Variants in SPATA31H1 observed in about 807,000 individuals in gnomAD.
SPATA31H1 encodes SPATA31 subfamily H member 1, also known as spermatogenesis-associated protein 31H1.
At chr2:27,546,865 C>G in the SPATA31H1 span, among the ~76,000 whole-genome samples, 1 of 151,812 alleles carries the variant, frequency 6.6e-6, no homozygotes, top group African/African-American at 2.4e-5. Flanking sequence ...AAAATTAATG[C>G]AAAAAAATCC....
chr2:27,576,707 T>A, the SPATA31H1 span: 1 of 1,614,106 alleles, frequency 6.2e-7, no homozygotes, highest in Non-Finnish European at 8.5e-7. Context: ...TGTTGACTAG[T>A]GTCAGATTTT....
At chr2:27,580,801 G>A in the SPATA31H1 span, 2 of 1,614,030 alleles carry the variant, frequency 1.2e-6, no homozygotes, top group Non-Finnish European at 8.5e-7. Context: ...AGAGACAAGA[G>A]GTCAGCTGAC....
the SPATA31H1 span, chr2:27,579,401 A>C: frequency 6.2e-7 from 1 of 1,614,212 alleles, no homozygotes; most frequent in South Asian, 1.1e-5. Context: ...AGAGCCTGCC[A>C]GAGAAGGGTC....
At chr2:27,567,068 G>C in the SPATA31H1 span, 1 of 717,280 alleles carries the variant, frequency 1.4e-6, no homozygotes, top group South Asian at 1.5e-5. Flanking sequence ...TTCAGAATTT[G>C]GCAGATCTTT....
At chr2:27,544,222 A>G in the SPATA31H1 span, among the ~76,000 whole-genome samples, 4 of 152,084 alleles carry the variant, frequency 2.6e-5, no homozygotes, top group Non-Finnish European at 5.9e-5. Flanking sequence ...GGTATAATTG[A>G]ATACCATAAA....
chr2:27,567,858 C>T, the SPATA31H1 span: 6 of 398,866 alleles, frequency 1.5e-5, no homozygotes, highest in African/African-American at 2.1e-5. Context: ...GGCACTACTT[C>T]GGGTCATGGA....
At chr2:27,548,559 G>C in the SPATA31H1 span, among the ~76,000 whole-genome samples, 1 of 147,602 alleles carries the variant, frequency 6.8e-6, no homozygotes, top group Non-Finnish European at 1.5e-5. Context: ...ATTGAGCCAA[G>C]TTTACTCCAC....
At chr2:27,539,511 T>A in the SPATA31H1 span, among the ~76,000 whole-genome samples, 1 of 120,904 alleles carries the variant, frequency 8.3e-6, no homozygotes, top group Non-Finnish European at 1.7e-5. Context: ...CTCCCATGTC[T>A]ACTTCTATCC....
the SPATA31H1 span, among the ~76,000 whole-genome samples, chr2:27,559,310 A>G: frequency 6.6e-6 from 1 of 152,190 alleles, no homozygotes; most frequent in East Asian, 1.9e-4. Flanking sequence ...ACTCCTAGGT[A>G]TAGCCCTTCG....
the SPATA31H1 span, among the ~76,000 whole-genome samples, chr2:27,549,119 A>AT: frequency 6.7e-6 from 1 of 148,182 alleles, no homozygotes; most frequent in Admixed American, 6.7e-5. Context: ...TGTCCTTTAG[A>AT]TTTTGCAGTT....
At chr2:27,570,052 C>T in the SPATA31H1 span, 2 of 398,924 alleles carry the variant, frequency 5.0e-6, no homozygotes, top group Non-Finnish European at 8.8e-6. Context: ...ACTCCAGAAT[C>T]ACAACCTCAA....
the SPATA31H1 span, among the ~76,000 whole-genome samples, chr2:27,546,922 C>T: frequency 5.3e-5 from 8 of 152,106 alleles, no homozygotes; most frequent in Non-Finnish European, 8.8e-5. Context: ...TACACTTTCA[C>T]GACTCTTTCT....
At chr2:27,577,532 G>A in the SPATA31H1 span, 1 of 1,614,116 alleles carries the variant, frequency 6.2e-7, no homozygotes, top group Non-Finnish European at 8.5e-7. This position sits in a 1 kb window ranked among gnomAD's most constrained non-coding sequence, Gnocchi z 4.5. Context: ...AATGTGTGGA[G>A]GTGATCTCTG....
At chr2:27,555,405 T>TCGGGCAAAGTGAC in the SPATA31H1 span, among the ~76,000 whole-genome samples, 2 of 151,878 alleles carry the variant, frequency 1.3e-5, no homozygotes, top group Non-Finnish European at 2.9e-5. Flanking sequence ...TGTGCTATGG[T>TCGGGCAAAGTGAC]TCATGCCTGT....
At chr2:27,578,392 C>T in the SPATA31H1 span, 1 of 1,614,132 alleles carries the variant, frequency 6.2e-7, no homozygotes, top group South Asian at 1.1e-5. Flanking sequence ...GAGGAGTTAG[C>T]ACCAGGACCA....
At chr2:27,564,214 T>C in the SPATA31H1 span, among the ~76,000 whole-genome samples, 1 of 152,204 alleles carries the variant, frequency 6.6e-6, no homozygotes, top group East Asian at 1.9e-4. Flanking sequence ...TTTTTTGTTT[T>C]TTCCCACCTA....
At chr2:27,560,433 C>G in the SPATA31H1 span, among the ~76,000 whole-genome samples, 2 of 151,278 alleles carry the variant, frequency 1.3e-5, no homozygotes, top group Admixed American at 1.3e-4. Context: ...ATTTTGAAGC[C>G]TAGGATGAAT....
chr2:27,582,446 C>T, the SPATA31H1 span: 1 of 1,614,168 alleles, frequency 6.2e-7, no homozygotes, highest in Non-Finnish European at 8.5e-7. Context: ...CTAGAGATTT[C>T]AAGAATCAAA....
chr2:27,542,894 C>T, the SPATA31H1 span, among the ~76,000 whole-genome samples: 12 of 151,964 alleles, frequency 7.9e-5, no homozygotes, highest in East Asian at 1.7e-3. Context: ...GTCAGGAGTT[C>T]GAGACCACCC....
Sources: gnomAD v4.1 joint callset for allele counts (sites outside exome capture counted in the v4.1 genomes callset) on GRCh38, gnomAD v4.1.1 for gene constraint, Gnocchi (gnomAD v3.1) non-coding constraint, MANE v1.5 for transcripts, NCBI Gene and HGNC (gene_info 2026-07-23, HGNC 2026-07-21) for gene names.